The following EIF2B4 variants were observed in gnomAD, a reference collection of about 807,000 sequenced individuals.
The protein encoded by EIF2B4 is eukaryotic translation initiation factor 2B subunit delta.
In EIF2B4, 34 loss-of-function variants were observed where a neutral mutation model predicts 66.7. That is an observed-to-expected ratio of 0.51 (90% CI 0.39 to 0.68). The LOEUF (loss-of-function observed/expected upper bound fraction) is 0.68, where lower values mean the gene tolerates loss of function less well. Among genes scored for constraint, EIF2B4 ranks in the 30% least tolerant of loss-of-function variants. The pLI is 0.00. For synonymous variants in EIF2B4, 278 were observed against 253.6 expected, an observed-to-expected ratio of 1.10 and a Z score of -0.92; for missense variants, 618 against 657.9, an observed-to-expected ratio of 0.94 and a Z score of 0.66.
Position 27,369,339 on chromosome 2 carries a change from C to T in EIF2B4, c.211+75G>A. ...CTTGCTCAAATCAACTTTGTCCTGT[C>T]TCTCCCTTATCTCTCCCACCACATC... On this transcript the variant is annotated intron_variant, in intron 3 of 12. Coordinates refer to ENST00000347454, the MANE Select transcript of EIF2B4 (RefSeq NM_001034116.2). 3.1e-6 allele frequency: 5 copies of T among 1,590,918 alleles called. No individual in the cohort carries two copies. In the South Asian group the frequency reaches 5.5e-5, roughly 17 times the overall value.
At chr2:27,366,678 T>G in intron 11 of EIF2B4, 81 bp downstream of exon 11, 5 of 1,525,992 alleles carry the variant, frequency 3.3e-6, no homozygotes, top group Non-Finnish European at 4.5e-6. Context: ...AACAAAACTG[T>G]AACTTTGGGA....
At position 27,364,869 on chromosome 2, in the gene EIF2B4, T is replaced by C. The variant is rs1454377141; in HGVS notation, c.1221A>G (p.Ala407=). 2 of 1,613,694 alleles carry C rather than the reference T, an allele frequency of 1.2e-6. No homozygotes were observed. Among genetic ancestry groups the C allele is most frequent in the Middle Eastern group, 1.6e-4 (1 of 6,084 alleles). The stretch of plus-strand genomic sequence containing the variant: ...ACATCACAGACCCGTTGGCCAAGAG[T>C]GCATGAGCTCCCAATAGCACCTTGG... ...EVSKVLLGAH[A]LLANGSVMSR... Residue 407 remains alanine (A), a synonymous_variant, in exon 12 of 13, where the codon GCA becomes GCG. Coordinates refer to ENST00000347454, the MANE Select transcript of EIF2B4 (RefSeq NM_001034116.2).
rs1558635406 is a variant in EIF2B4 at position 27,367,191 on chromosome 2, T to C, written c.896A>G (p.Glu299Gly). 6.2e-7 allele frequency: 1 copy of C among 1,614,196 alleles called. No homozygotes were observed. The highest frequency in any genetic ancestry group is 1.7e-5 in the Admixed American group (1 of 60,014). The stretch of plus-strand genomic sequence containing the variant: ...ATACCGATCAATGGCTGCTCGAAGT[T>C]CTGACTTGGCCTAAATGGAGTAAAA... Reference protein sequence around the residue: ...SSKREEEAKSELRAAIDRYVQ... With the variant: ...SSKREEEAKSGLRAAIDRYVQ... The change falls in exon 10 of 13, where the codon GAA becomes GGA. Residue 299 changes from glutamate to glycine, a missense_variant. Transcript: ENST00000347454.
In EIF2B4 at chr2:27,366,215, GGTGTGTGTGTGTGTGTGTGTGTGTGT is replaced by G. The variant is rs56053133; in HGVS notation, c.1191+518_1191+543del. 166 of 102,712 alleles carry G rather than the reference GGTGTGTGTGTGTGTGTGTGTGTGTGT, an allele frequency of 1.6e-3. 1 individual carries two copies. Among genetic ancestry groups the G allele is most frequent in the Non-Finnish European group, 2.6e-3 (140 of 53,762 alleles). 6.4% of individuals were successfully genotyped at this position (102,712 alleles called of 1,614,324 possible). A position where few individuals can be genotyped will look rare whatever the true frequency, so the allele number is the denominator to read the frequency against. On this transcript the variant is annotated intron_variant, in intron 11 of 12. Transcript: ENST00000347454. ...CATGCCCGGGGTGGGGGTGGGGTGG[GGTGTGTGTGTGTGTGTGTGTGTGTGT>G]GTGTGTGTGTGTGTGTGTGTACAGG...
Position 27,369,438 on chromosome 2 carries a change from C to T in EIF2B4, c.187G>A (p.Ala63Thr). ...EKGAEPETGS[A>T]VSAAQCQVGP... is the part of the protein sequence containing the mutation. ...CCTTGACATTGGGCTGCAGATACAG[C>T]AGAGCCAGTCTCTGGTTCTGCCCCC... is the stretch of plus-strand genomic sequence containing the variant. The change falls in exon 3 of 13, where the codon GCT becomes ACT. Residue 63 changes from alanine (A) to threonine (T), a missense_variant. Physicochemically the swap from Ala to Thr is moderately conservative, Grantham distance 58 (BLOSUM62 0). Transcript: ENST00000347454. The T allele has an allele frequency of 6.2e-7, 1 of 1,614,160 alleles. No homozygotes were observed. Among genetic ancestry groups the T allele is most frequent in the Non-Finnish European group, 8.5e-7 (1 of 1,180,032 alleles).
In EIF2B4 at chr2:27,369,900, C is replaced by T; in HGVS notation, c.51G>A (p.Lys17=). Residue 17 remains lysine (K), a synonymous_variant, in exon 2 of 13, where the codon AAG becomes AAA. Coordinates refer to ENST00000347454, the MANE Select transcript of EIF2B4 (RefSeq NM_001034116.2). ...AVREDSGSGM[K]AELPPGPGAV... is the part of the protein sequence containing the mutation. ...CCCCAGGCCCAGGGGGAAGCTCCGC[C>T]TTCATCCCGGATCCCGAGTCTGCAT... The T allele has an allele frequency of 6.3e-7, 1 of 1,585,232 alleles. No individual in the cohort carries two copies. Among genetic ancestry groups the T allele is most frequent in the Non-Finnish European group, 8.6e-7 (1 of 1,166,238 alleles).
At chr2:27,369,962 G>A (rs771439416) in intron 1 of EIF2B4, 43 bp from the exon 2 acceptor site, 3 of 1,556,008 alleles carry the variant, frequency 1.9e-6, no homozygotes, top group African/African-American at 1.4e-5. Context: ...GAGAGACTCC[G>A]GGAGGGTTTG....
intron 11 of EIF2B4, chr2:27,365,745 G>A (rs1051925867): frequency 6.6e-6 from 1 of 152,118 alleles, no homozygotes; most frequent in Non-Finnish European, 1.5e-5. Context: ...TCTCCCACAG[G>A]AAAAGTAAAC....
intron 1 of EIF2B4, 30 bp downstream of exon 1, chr2:27,370,254 A>C (rs1367669318): frequency 1.6e-5 from 25 of 1,546,358 alleles, no homozygotes; most frequent in Non-Finnish European, 2.2e-5. Flanking sequence ...GGCTCCGCGT[A>C]CCAGTAGGCA....
chr2:27,366,199 GGTGGGGGTGGGGTGGGGT>G (rs1327267482), intron 11 of EIF2B4: 2 of 134,376 alleles, frequency 1.5e-5, no homozygotes, highest in African/African-American at 6.5e-5. Flanking sequence ...CCATGCCCGG[GGTGGGGGTGGGGTGGGGT>G]GTGTGTGTGT....
intron 3 of EIF2B4, 47 bp from the exon 4 acceptor site, chr2:27,369,259 TC>T: frequency 6.2e-7 from 1 of 1,605,460 alleles, no homozygotes; most frequent in Non-Finnish European, 8.5e-7. Context: ...GCAGGTGATA[TC>T]CGTGCCCCAG....
At chr2:27,369,343 C>T (rs1682154668) in intron 3 of EIF2B4, 71 bp downstream of exon 3, 3 of 1,591,060 alleles carry the variant, frequency 1.9e-6, no homozygotes, top group South Asian at 2.2e-5. Context: ...TCCTGTCTCT[C>T]CCTTATCTCT....
At position 27,367,577 on chromosome 2, in the gene EIF2B4, T is replaced by C. The variant is rs754797416; in HGVS notation, c.783-18A>G. ...TCAGGAAGCTATAATACAACAGCAA[T>C]ACCTTATATCTGCGCAACTCTTCAC... On this transcript the variant is annotated intron_variant, in intron 8 of 12. Transcript: ENST00000347454. 2.5e-6 allele frequency: 4 copies of C among 1,613,390 alleles called. No individual in the cohort carries two copies. The Admixed American group carries it at 5.0e-5, about 20-fold the overall frequency.
chr2:27,368,568 C>T (rs762291603), intron 5 of EIF2B4, 86 bp downstream of exon 5: 2 of 1,571,438 alleles, frequency 1.3e-6, no homozygotes, highest in Non-Finnish European at 1.8e-6. Context: ...AAGCACCTAT[C>T]CTTCTCACTT....
In EIF2B4 at chr2:27,368,720, G is replaced by A. The variant is rs1472866549; in HGVS notation, c.432C>T (p.Leu144=). ...AGETPSGVKR[L]PEYPQVDDLL... ...GGTCATCAACCTGAGGGTACTCAGG[G>A]AGACGCTTCACTCCTGAAAGATAAT... Residue 144 remains leucine, a synonymous_variant, in exon 5 of 13, where the codon CTC becomes CTT. Transcript: ENST00000347454. 1.9e-6 allele frequency: 3 copies of A among 1,614,088 alleles called. No individual in the cohort carries two copies. Among genetic ancestry groups the A allele is most frequent in the East Asian group, 4.5e-5 (2 of 44,884 alleles).
intron 10 of EIF2B4, 62 bp downstream of exon 10, chr2:27,367,012 G>A: frequency 6.2e-7 from 1 of 1,613,970 alleles, no homozygotes; most frequent in Non-Finnish European, 8.5e-7. Flanking sequence ...AGGCAAGTGG[G>A]TAGTCCCTTC....
rs529735415 is a variant in EIF2B4 at position 27,368,639 on chromosome 2, A to C, written c.498+15T>G. 1 of 1,614,044 alleles carries C rather than the reference A, an allele frequency of 6.2e-7. No individual in the cohort carries two copies. The highest frequency in any genetic ancestry group is 1.7e-5 in the Admixed American group (1 of 60,000). ...CCTAGGCTCTTTCTAGCCAGGCACC[A>C]AACCCACTTCCTACCTGTTGACGCT... is the stretch of plus-strand genomic sequence containing the variant. On this transcript the variant is annotated intron_variant, in intron 5 of 12. Coordinates refer to ENST00000347454, the MANE Select transcript of EIF2B4 (RefSeq NM_001034116.2).
At position 27,368,179 on chromosome 2, in the gene EIF2B4, T is replaced by C. The variant is rs753194689; in HGVS notation, c.591-40A>G. The C allele has an allele frequency of 2.0e-6, 3 of 1,516,838 alleles. No homozygotes were observed. The South Asian group carries it at 3.6e-5, about 18-fold the overall frequency. The allele number at this position is 1,516,838 out of a possible 1,614,324, so 94.0% of individuals were successfully genotyped here. A position where few individuals can be genotyped will look rare whatever the true frequency, so the allele number is the denominator to read the frequency against. The stretch of plus-strand genomic sequence containing the variant: ...GTGTCACATACTTTGAAAGGGAGCT[T>C]GAGCATCTACTGCCCACCTGCCCCT... On this transcript the variant is annotated intron_variant, in intron 6 of 12. Coordinates refer to ENST00000347454, the MANE Select transcript of EIF2B4 (RefSeq NM_001034116.2).
intron 1 of EIF2B4, 75 bp downstream of exon 1, chr2:27,370,209 G>A (rs1682301170): frequency 1.9e-6 from 3 of 1,539,198 alleles, no homozygotes; most frequent in African/African-American, 1.4e-5. Context: ...GCCCAAAGGC[G>A]CTCAAGGCCC....
Sources: allele counts gnomAD v4.1 joint callset, GRCh38; gene constraint gnomAD v4.1.1; transcripts MANE v1.5; gene names NCBI Gene and HGNC (gene_info 2026-07-23, HGNC 2026-07-21).